Variants in DSCAM observed in about 807,000 individuals in gnomAD.
The protein encoded by DSCAM is cell adhesion molecule DSCAM.
Under a neutral mutation model 217.7 loss-of-function variants are expected in DSCAM, and 47 were observed. The observed-to-expected ratio is 0.22, with a 90% CI of 0.17 to 0.28. The LOEUF is 0.28. Ranked by LOEUF, DSCAM falls within the 10% of genes least tolerant of loss-of-function variation. The pLI is 1.00. For missense variants in DSCAM, 2,080 were observed against 2,618.3 expected, an observed-to-expected ratio of 0.79 and a Z score of 4.49; for synonymous variants, 1,056 against 1,015.3, an observed-to-expected ratio of 1.04 and a Z score of -0.76.
At chr21:40,110,718 A>T (rs2089887005) in intron 20 of DSCAM, among the ~76,000 whole-genome samples, 1 of 152,254 alleles carries the variant, frequency 6.6e-6, no homozygotes, top group African/African-American at 2.4e-5. Context: ...AGAAGTCCTT[A>T]AAGGACCTGA....
At chr21:40,246,651 C>T (rs1177583829) in intron 11 of DSCAM, among the ~76,000 whole-genome samples, 1 of 152,046 alleles carries the variant, frequency 6.6e-6, no homozygotes, top group Non-Finnish European at 1.5e-5. Flanking sequence ...AGGTGAAGTC[C>T]ATACTACTGT....
At chr21:40,224,311 CATATTTA>C (rs1377331445) in intron 11 of DSCAM, among the ~76,000 whole-genome samples, 1 of 152,168 alleles carries the variant, frequency 6.6e-6, no homozygotes, top group Non-Finnish European at 1.5e-5. Context: ...AAATGGATAT[CATATTTA>C]ATATTTAAAT....
intron 3 of DSCAM, among the ~76,000 whole-genome samples, chr21:40,650,383 C>T (rs746123572): frequency 6.6e-6 from 1 of 152,204 alleles, no homozygotes; most frequent in East Asian, 1.9e-4. Flanking sequence ...TATGTGTCAA[C>T]TTGACTGGGT....
At chr21:40,437,891 G>T (rs1285813663) in intron 3 of DSCAM, among the ~76,000 whole-genome samples, 1 of 152,148 alleles carries the variant, frequency 6.6e-6, no homozygotes, top group Non-Finnish European at 1.5e-5. Flanking sequence ...CAGAACTGGG[G>T]CACTGGCAGT....
intron 8 of DSCAM, among the ~76,000 whole-genome samples, chr21:40,335,078 C>T (rs577898582): frequency 1.3e-5 from 2 of 152,232 alleles, no homozygotes; most frequent in South Asian, 4.1e-4. Context: ...TATCTCTTCC[C>T]TTTACCTAGG....
intron 21 of DSCAM, among the ~76,000 whole-genome samples, chr21:40,089,779 G>A (rs1275083970): frequency 6.6e-6 from 1 of 152,002 alleles, no homozygotes; most frequent in Non-Finnish European, 1.5e-5. Context: ...CCATCCTGAG[G>A]CACTCCCTAG....
At chr21:40,169,387 T>C (rs779304380) in intron 15 of DSCAM, among the ~76,000 whole-genome samples, 1 of 152,076 alleles carries the variant, frequency 6.6e-6, no homozygotes, top group African/African-American at 2.4e-5. Flanking sequence ...AAAATGGCTA[T>C]GGTCTATAGA....
chr21:40,540,314 C>T (rs1410116422), intron 3 of DSCAM, among the ~76,000 whole-genome samples: 2 of 152,182 alleles, frequency 1.3e-5, no homozygotes, highest in African/African-American at 4.8e-5. Flanking sequence ...CTCTAAGAAG[C>T]CTCCATTGAT....
rs1374932607 is a variant in DSCAM, at chr21:40,518,597, C to CATATATACATACACACACAT, written c.509-149372_509-149353dup. Among the ~76,000 whole-genome samples, 13 of 90,050 alleles carry CATATATACATACACACACAT rather than the reference C, an allele frequency of 1.4e-4. No homozygotes were observed. In the East Asian group the frequency reaches 5.2e-3, roughly 36 times the overall value. The allele number at this position is 90,050 out of a possible 152,430, so 59.1% of individuals were successfully genotyped here. On this transcript the variant is annotated intron_variant, in intron 3 of 32. Coordinates refer to ENST00000400454, the MANE Select transcript of DSCAM (RefSeq NM_001389.5). ...ACATACACACACATATACACACACA[C>CATATATACATACACACACAT]ATATATACATACACACACATATATA...
At chr21:40,295,315 C>T (rs755883812) in intron 10 of DSCAM, among the ~76,000 whole-genome samples, 9 of 152,110 alleles carry the variant, frequency 5.9e-5, no homozygotes, top group African/African-American at 1.2e-4. Flanking sequence ...TTGCAAGTAC[C>T]GTTAAGGAGG....
chr21:40,500,175 C>T (rs1032342913), intron 3 of DSCAM, among the ~76,000 whole-genome samples: 6 of 152,310 alleles, frequency 3.9e-5, no homozygotes, highest in East Asian at 1.9e-4. Context: ...CAGGACAACA[C>T]ATGATTTGCT....
chr21:40,487,396 G>A (rs1273998631), intron 3 of DSCAM, among the ~76,000 whole-genome samples: 1 of 151,408 alleles, frequency 6.6e-6, no homozygotes, highest in Non-Finnish European at 1.5e-5. Context: ...ACTCCAGGTA[G>A]CTATAAAACA....
chr21:40,614,979 T>G (rs1672140758), intron 3 of DSCAM, among the ~76,000 whole-genome samples: 1 of 151,526 alleles, frequency 6.6e-6, no homozygotes, highest in African/African-American at 2.4e-5. Flanking sequence ...TATGTATATA[T>G]GTATGCATGT....
At chr21:40,310,886 G>A (rs985544502) in intron 9 of DSCAM, among the ~76,000 whole-genome samples, 3 of 152,168 alleles carry the variant, frequency 2.0e-5, no homozygotes, top group African/African-American at 7.2e-5. Context: ...AAAATGTCAT[G>A]AGGCTGCTAA....
At chr21:40,731,809 A>G (rs1165465418) in intron 1 of DSCAM, among the ~76,000 whole-genome samples, 1 of 136,324 alleles carries the variant, frequency 7.3e-6, no homozygotes, top group East Asian at 2.3e-4. Context: ...GCTCACTGCA[A>G]CCTCTGCCTC....
chr21:40,661,874 T>C (rs919518529), intron 3 of DSCAM, among the ~76,000 whole-genome samples: 2 of 152,196 alleles, frequency 1.3e-5, no homozygotes, highest in African/African-American at 4.8e-5. Flanking sequence ...GAGCAAAAGT[T>C]CCCTGTTTGG....
At chr21:40,244,452 G>A (rs1441265393) in intron 11 of DSCAM, among the ~76,000 whole-genome samples, 5 of 141,004 alleles carry the variant, frequency 3.5e-5, no homozygotes, top group East Asian at 2.0e-4. Context: ...CTCCGTCTCC[G>A]GAAAAAAAAA....
In DSCAM at chr21:40,189,035, C is replaced by A. The variant is rs1259270835; in HGVS notation, c.2553+7G>T. ...ATTCCATTGTGTTGTATTTGCCATGCTTTTACCTGCAGAGTAGAAATCACC... is the reference window on the plus strand; with the variant it reads ...ATTCCATTGTGTTGTATTTGCCATGATTTTACCTGCAGAGTAGAAATCACC... On this transcript the variant is annotated splice_region_variant and intron_variant, in intron 12 of 32. Coordinates refer to ENST00000400454, the MANE Select transcript of DSCAM (RefSeq NM_001389.5). The A allele has an allele frequency of 5.0e-6, 8 of 1,613,786 alleles. No individual in the cohort carries two copies. The highest frequency in any genetic ancestry group is 6.8e-6 in the Non-Finnish European group (8 of 1,179,878).
intron 23 of DSCAM, among the ~76,000 whole-genome samples, chr21:40,085,353 AAG>A (rs2089517855): frequency 6.6e-6 from 1 of 152,208 alleles, no homozygotes; most frequent in Admixed American, 6.5e-5. Context: ...ATAAAGAAAA[AAG>A]AGACTAGGCT....
Sources: allele counts gnomAD v4.1 joint callset (sites outside exome capture counted in the v4.1 genomes callset), GRCh38; gene constraint gnomAD v4.1.1; transcripts MANE v1.5; gene names NCBI Gene and HGNC (gene_info 2026-07-23, HGNC 2026-07-21).